SOX5: variants seen among roughly 807,000 people sequenced by gnomAD.
The protein encoded by SOX5 is SRY-box transcription factor 5.
Under a neutral mutation model 92.0 loss-of-function variants are expected in SOX5, and 9 were observed. That is an observed-to-expected ratio of 0.10 (90% CI 0.06 to 0.17). The LOEUF is 0.17. Among genes scored for constraint, SOX5 ranks in the 10% least tolerant of loss-of-function variants. The pLI is 1.00. For missense variants in SOX5, 642 were observed against 944.5 expected (o/e 0.68, Z 4.20); for synonymous variants, 344 against 336.3 (o/e 1.02, Z -0.25).
chr12:24,086,922 G>T (rs189150836), intron 4 of SOX5, among the ~76,000 whole-genome samples: 1 of 152,102 alleles, frequency 6.6e-6, no homozygotes, highest in African/African-American at 2.4e-5. Context: ...TGTCACAAGT[G>T]GTATTTCAAC....
At position 24,475,993 on chromosome 12, in the gene SOX5, TAAAAA is replaced by T. The variant is rs71450741; in HGVS notation, c.-251+86331_-251+86335del. 1.4e-3 allele frequency among the ~76,000 whole-genome samples: 118 copies of T among 86,144 alleles called. 2 individuals carry two copies. The East Asian group carries it at 0.12, about 87-fold the overall frequency. The allele number at this position is 86,144 out of a possible 152,430, so 56.5% of individuals were successfully genotyped here. A position where few individuals can be genotyped will look rare whatever the true frequency, so the allele number is the denominator to read the frequency against. On this transcript the variant is annotated intron_variant, in intron 1 of 4. Transcript: ENST00000446891. ...CAAGACCCTGTCTCCGAAATACATT[TAAAAA>T]AAAAAAAAAAAAAAAAGCAGAAGAG...
intron 3 of SOX5, among the ~76,000 whole-genome samples, chr12:23,814,806 T>C (rs1198574454): frequency 6.6e-6 from 1 of 152,172 alleles, no homozygotes; most frequent in Non-Finnish European, 1.5e-5. Context: ...TAGGAAAAGG[T>C]AGAAAAAATG....
chr12:23,542,487 T>TCTTTATAATCAGCAC (rs1407267262), intron 13 of SOX5, among the ~76,000 whole-genome samples: 3 of 152,218 alleles, frequency 2.0e-5, no homozygotes, highest in Non-Finnish European at 4.4e-5. Context: ...ATAATAGGTA[T>TCTTTATAATCAGCAC]CTTTATAATC....
chr12:24,330,301 A>G (rs1001859794), intron 2 of SOX5, among the ~76,000 whole-genome samples: 5 of 152,178 alleles, frequency 3.3e-5, no homozygotes, highest in African/African-American at 9.7e-5. Flanking sequence ...AACAAATTCA[A>G]TCTTATTTTT....
At chr12:23,772,583 C>T (rs2094968382) in intron 3 of SOX5, among the ~76,000 whole-genome samples, 2 of 152,202 alleles carry the variant, frequency 1.3e-5, no homozygotes, top group South Asian at 4.1e-4. Flanking sequence ...TGATAATTAA[C>T]CTTTAAGTGC....
chr12:24,473,232 T>G (rs1407321804), intron 1 of SOX5, among the ~76,000 whole-genome samples: 1 of 152,146 alleles, frequency 6.6e-6, no homozygotes. Flanking sequence ...CTGGTAAATG[T>G]TTAGCAATCA....
chr12:23,625,442 T>C (rs2077644213), intron 8 of SOX5, among the ~76,000 whole-genome samples: 1 of 152,218 alleles, frequency 6.6e-6, no homozygotes, highest in Non-Finnish European at 1.5e-5. Context: ...GCTTGTATCT[T>C]CTAATATATA....
intron 3 of SOX5, among the ~76,000 whole-genome samples, chr12:24,225,242 A>C (rs575224534): frequency 1.1e-4 from 17 of 152,300 alleles, no homozygotes; most frequent in Admixed American, 7.8e-4. Flanking sequence ...TACCTAACCC[A>C]TCACCAAAAT....
At chr12:23,729,049 T>C (rs2093284965) in intron 6 of SOX5, among the ~76,000 whole-genome samples, 1 of 151,886 alleles carries the variant, frequency 6.6e-6, no homozygotes, top group African/African-American at 2.4e-5. Flanking sequence ...TTTTTTTTCC[T>C]AGAAGTTCTC....
intron 1 of SOX5, among the ~76,000 whole-genome samples, chr12:24,499,152 G>C (rs1181445436): frequency 1.3e-5 from 2 of 152,152 alleles, no homozygotes; most frequent in Non-Finnish European, 2.9e-5. Flanking sequence ...AATTGTATTT[G>C]CTTGCTCATC....
At chr12:24,149,200 A>G (rs1300727455) in intron 4 of SOX5, among the ~76,000 whole-genome samples, 1 of 152,150 alleles carries the variant, frequency 6.6e-6, no homozygotes, top group East Asian at 1.9e-4. Context: ...ACAGCAAAAG[A>G]ATATAAAAGA....
At chr12:23,757,391 T>C (rs2094425641) in intron 3 of SOX5, among the ~76,000 whole-genome samples, 2 of 151,818 alleles carry the variant, frequency 1.3e-5, no homozygotes, top group Admixed American at 1.3e-4. Flanking sequence ...ACTCTAGGAG[T>C]CATAAAACAG....
intron 7 of SOX5, among the ~76,000 whole-genome samples, chr12:23,654,365 C>A (rs1017874678): frequency 2.6e-5 from 4 of 151,894 alleles, no homozygotes; most frequent in African/African-American, 9.7e-5. Context: ...TATGCACTTC[C>A]AAAGTCTTAA....
At chr12:23,894,458 C>T (rs1046520316) in intron 2 of SOX5, among the ~76,000 whole-genome samples, 5 of 152,134 alleles carry the variant, frequency 3.3e-5, no homozygotes, top group Middle Eastern at 3.4e-3. Flanking sequence ...AACTCCTGAC[C>T]TCAAGTGATC....
At chr12:24,223,117 T>G (rs1960917321) in intron 3 of SOX5, among the ~76,000 whole-genome samples, 1 of 152,128 alleles carries the variant, frequency 6.6e-6, no homozygotes, top group Non-Finnish European at 1.5e-5. Flanking sequence ...ATGTGTAGAG[T>G]TGAGTCATCC....
chr12:24,526,512 A>G (rs909277414), intron 1 of SOX5, among the ~76,000 whole-genome samples: 3 of 152,232 alleles, frequency 2.0e-5, no homozygotes, highest in Non-Finnish European at 4.4e-5. Context: ...AGAAGCTTCA[A>G]GAAGTTCTCT....
intron 3 of SOX5, among the ~76,000 whole-genome samples, chr12:23,829,896 A>C (rs550842087): frequency 6.6e-6 from 1 of 152,286 alleles, no homozygotes; most frequent in South Asian, 2.1e-4. Context: ...TTAAAAAGAA[A>C]AATAGAAGCT....
At chr12:23,735,710 T>C (rs2093565288) in intron 5 of SOX5, among the ~76,000 whole-genome samples, 1 of 152,172 alleles carries the variant, frequency 6.6e-6, no homozygotes, top group Admixed American at 6.5e-5. Flanking sequence ...CCAAACTAAA[T>C]TTGAGATTTA....
intron 4 of SOX5, among the ~76,000 whole-genome samples, chr12:23,960,886 T>C (rs890234828): frequency 6.6e-6 from 1 of 152,072 alleles, no homozygotes; most frequent in African/African-American, 2.4e-5. Flanking sequence ...ACTGGACAGA[T>C]AGGGGACAGG....
Sources: allele counts gnomAD v4.1 joint callset (sites outside exome capture counted in the v4.1 genomes callset), GRCh38; gene constraint gnomAD v4.1.1; transcripts MANE v1.5; gene names NCBI Gene and HGNC (gene_info 2026-07-23, HGNC 2026-07-21).